The following DAB1 variants were observed in gnomAD, a reference collection of about 807,000 sequenced individuals.
DAB1 encodes the protein DAB adaptor protein 1.
Under a neutral mutation model 64.6 loss-of-function variants are expected in DAB1, and 15 were observed. The ratio of observed to expected loss-of-function variants is 0.23; its 90% CI spans 0.16 to 0.36. The LOEUF is 0.36. Ranked by LOEUF, DAB1 falls within the 10% of genes least tolerant of loss-of-function variation. The probability of loss-of-function intolerance (pLI) is 1.00; values close to 1 mark genes in which losing one functional copy is unlikely to be tolerated. For synonymous variants in DAB1, 235 were observed against 251.9 expected (o/e 0.93, Z 0.64); for missense variants, 596 against 706.7 (o/e 0.84, Z 1.78).
intron 4 of DAB1, among the ~76,000 whole-genome samples, chr1:57,110,373 T>G (rs1238795141): frequency 6.6e-6 from 1 of 152,224 alleles, no homozygotes; most frequent in Non-Finnish European, 1.5e-5. Context: ...AACCGGACAC[T>G]GTTTTCAGAT....
chr1:57,546,984 T>C (rs574467542), intron 7 of DAB1, among the ~76,000 whole-genome samples: 48 of 152,226 alleles, frequency 3.2e-4, no homozygotes, highest in African/African-American at 1.1e-3. Context: ...TTAAAGCATA[T>C]TAATCGTATT....
At chr1:57,763,299 G>C (rs189035120) in intron 6 of DAB1, among the ~76,000 whole-genome samples, 17 of 152,020 alleles carry the variant, frequency 1.1e-4, no homozygotes, top group African/African-American at 3.9e-4. Context: ...TAGATACATA[G>C]CCAGTAAGTT....
chr1:57,534,240 T>C (rs765645605), intron 7 of DAB1, among the ~76,000 whole-genome samples: 2 of 152,142 alleles, frequency 1.3e-5, no homozygotes, highest in Non-Finnish European at 2.9e-5. Context: ...CTTGCTGCCC[T>C]TTGCAATGGT....
At chr1:57,843,689 GGAGA>G (rs1047372832) in intron 1 of DAB1, among the ~76,000 whole-genome samples, 2 of 152,080 alleles carry the variant, frequency 1.3e-5, no homozygotes, top group Non-Finnish European at 2.9e-5. Flanking sequence ...AGAAGGCTTT[GGAGA>G]AATACCAGCT....
At chr1:57,787,371 T>C (rs1410940004) in intron 6 of DAB1, among the ~76,000 whole-genome samples, 1 of 152,120 alleles carries the variant, frequency 6.6e-6, no homozygotes, top group Non-Finnish European at 1.5e-5. Context: ...GACCTGCACG[T>C]ATAGAATCAA....
intron 7 of DAB1, among the ~76,000 whole-genome samples, chr1:57,557,727 C>T (rs1357998792): frequency 1.3e-5 from 2 of 152,212 alleles, no homozygotes; most frequent in East Asian, 1.9e-4. Context: ...TTTGACACTC[C>T]TGATTCATCG....
chr1:57,071,710 T>C lies in DAB1; in HGVS notation c.439-69A>G, dbSNP rs574405795. 6 of 1,491,418 alleles carry C rather than the reference T, an allele frequency of 4.0e-6. No homozygotes were observed. In the African/African-American group the frequency reaches 8.5e-5, roughly 21 times the overall value. 92.4% of individuals were successfully genotyped at this position (1,491,418 alleles called of 1,614,324 possible). Reference sequence around the variant, plus strand: ...GAGACGCAGCAACAAATTTTTGTTTTTGCGGCGACAACCCGCAGCCCTTCC... The same window carrying C: ...GAGACGCAGCAACAAATTTTTGTTTCTGCGGCGACAACCCGCAGCCCTTCC... On this transcript the variant is annotated intron_variant, in intron 5 of 14. Coordinates refer to ENST00000371236, the MANE Select transcript of DAB1 (RefSeq NM_001365792.1).
intron 4 of DAB1, among the ~76,000 whole-genome samples, chr1:58,321,040 T>C (rs568402774): frequency 9.2e-5 from 14 of 152,368 alleles, no homozygotes; most frequent in African/African-American, 3.4e-4. Flanking sequence ...CCCTTGGCTC[T>C]AGTAAGACCA....
intron 1 of DAB1, among the ~76,000 whole-genome samples, chr1:58,531,557 T>C (rs1646433716): frequency 6.6e-6 from 1 of 152,204 alleles, no homozygotes; most frequent in African/African-American, 2.4e-5. Context: ...AGTCATTACT[T>C]GAATGTATGA....
intron 1 of DAB1, among the ~76,000 whole-genome samples, chr1:57,357,911 A>T (rs1403474731): frequency 6.6e-6 from 1 of 151,924 alleles, no homozygotes; most frequent in Non-Finnish European, 1.5e-5. Flanking sequence ...GGATTACGGG[A>T]ACTACAATTC....
At chr1:57,069,336 T>C (rs1453659640) in intron 8 of DAB1, 24 bp downstream of exon 8, 3 of 1,596,714 alleles carry the variant, frequency 1.9e-6, no homozygotes, top group African/African-American at 2.7e-5. Context: ...GGTGCAATGG[T>C]AAGAGAGGCA....
At chr1:58,540,230 A>G (rs1037462033) in intron 1 of DAB1, among the ~76,000 whole-genome samples, 1 of 152,050 alleles carries the variant, frequency 6.6e-6, no homozygotes, top group African/African-American at 2.4e-5. Flanking sequence ...AACAAATATT[A>G]AAAGCAACCC....
At chr1:57,050,214 ACT>A (rs1422513595) in intron 9 of DAB1, among the ~76,000 whole-genome samples, 1 of 151,688 alleles carries the variant, frequency 6.6e-6, no homozygotes, top group Non-Finnish European at 1.5e-5. Context: ...TGTTTTTCTG[ACT>A]CTATCCTGAA....
intron 5 of DAB1, among the ~76,000 whole-genome samples, chr1:58,135,300 A>C (rs1225340117): frequency 6.6e-6 from 1 of 152,114 alleles, no homozygotes; most frequent in Non-Finnish European, 1.5e-5. Context: ...TACAGAGATT[A>C]ATGGATAAAG....
chr1:57,480,533 G>A (rs1408549326), intron 7 of DAB1, among the ~76,000 whole-genome samples: 1 of 150,854 alleles, frequency 6.6e-6, no homozygotes, highest in Non-Finnish European at 1.5e-5. Flanking sequence ...CACCCAGGCT[G>A]GAGTGCAGTA....
At chr1:57,604,607 T>A (rs1009758043) in intron 7 of DAB1, among the ~76,000 whole-genome samples, 4 of 152,144 alleles carry the variant, frequency 2.6e-5, no homozygotes, top group African/African-American at 9.7e-5. Flanking sequence ...CAATAATAAA[T>A]ACAGTCACTA....
chr1:57,678,417 G>C (rs1232661630), intron 6 of DAB1, among the ~76,000 whole-genome samples: 1 of 152,206 alleles, frequency 6.6e-6, no homozygotes, highest in Non-Finnish European at 1.5e-5. Flanking sequence ...TCCTTGCCAG[G>C]TAGGGGGCAG....
intron 3 of DAB1, among the ~76,000 whole-genome samples, chr1:58,454,093 C>T (rs1456840123): frequency 6.6e-6 from 1 of 152,146 alleles, no homozygotes; most frequent in East Asian, 1.9e-4. Flanking sequence ...CTCAGCCCAA[C>T]TTTTTAAATC....
At chr1:57,964,490 C>T (rs996913581) in intron 5 of DAB1, among the ~76,000 whole-genome samples, 6 of 152,122 alleles carry the variant, frequency 3.9e-5, no homozygotes, top group Admixed American at 3.3e-4. Flanking sequence ...TTACCAAGTA[C>T]GTAAGATCAA....
Sources: gnomAD v4.1 joint callset for allele counts (sites outside exome capture counted in the v4.1 genomes callset) on GRCh38, gnomAD v4.1.1 for gene constraint, MANE v1.5 for transcripts, NCBI Gene and HGNC (gene_info 2026-07-23, HGNC 2026-07-21) for gene names.